IQGAP2: variants seen among roughly 807,000 people sequenced by gnomAD.
IQGAP2 encodes IQ motif containing GTPase activating protein 2, also known as ras GTPase-activating-like protein IQGAP2.
A neutral mutation model predicts 201.3 loss-of-function variants in IQGAP2; 173 were observed. The ratio of observed to expected loss-of-function variants is 0.86; its 90% CI spans 0.76 to 0.98. IQGAP2 has a LOEUF of 0.98. Ranked by LOEUF, IQGAP2 falls within the 50% of genes least tolerant of loss-of-function variation. The probability of loss-of-function intolerance (pLI) is 0.00; values close to 1 mark genes in which losing one functional copy is unlikely to be tolerated. For synonymous variants in IQGAP2, 675 were observed against 673.9 expected, an observed-to-expected ratio of 1.00 and a Z score of -0.03; for missense variants, 1,687 against 1,864.8, an observed-to-expected ratio of 0.90 and a Z score of 1.76.
intron 17 of IQGAP2, among the ~76,000 whole-genome samples, chr5:76,646,433 G>A (rs1165505927): frequency 6.6e-6 from 1 of 152,172 alleles, no homozygotes; most frequent in Admixed American, 6.5e-5. Context: ...ATTGGTAAAA[G>A]TACAAAATCT....
intron 28 of IQGAP2, among the ~76,000 whole-genome samples, chr5:76,678,437 AG>A (rs1432021571): frequency 6.6e-6 from 1 of 151,902 alleles, no homozygotes; most frequent in Non-Finnish European, 1.5e-5. Context: ...AAAAAAAAAA[AG>A]CTAAGCATTG....
intron 35 of IQGAP2, among the ~76,000 whole-genome samples, chr5:76,704,001 C>T (rs60285761): frequency 0.03 from 4,593 of 152,138 alleles, 236 homozygotes; most frequent in African/African-American, 0.1. Flanking sequence ...AAAAGAAAAA[C>T]GGGAGCTGAA....
In IQGAP2 at chr5:76,673,585, C is replaced by A; in HGVS notation, c.3205C>A (p.Leu1069Met). The A allele has an allele frequency of 6.2e-7, 1 of 1,613,858 alleles. No individual in the cohort carries two copies. The highest frequency in any genetic ancestry group is 8.5e-7 in the Non-Finnish European group (1 of 1,179,842). ...TTCTATCATTTCTTCCCTTGATCTA[C>A]TGCCGTAAGTTGTACTTGCAGCAAG... is the stretch of plus-strand genomic sequence containing the variant. ...LNSIISSLDL[L>M]PYGLRYIAKV... Residue 1069 changes from leucine (L) to methionine (M), a missense_variant, in exon 25 of 36, where the codon CTG (leucine) becomes ATG (methionine). Physicochemically the swap from Leu to Met is conservative, Grantham distance 15. Transcript: ENST00000274364.
chr5:76,432,979 A>G (rs1480501643), intron 1 of IQGAP2, among the ~76,000 whole-genome samples: 7 of 152,158 alleles, frequency 4.6e-5, no homozygotes, highest in African/African-American at 1.7e-4. Flanking sequence ...ATATTATTTA[A>G]GTAGTCAGGG....
chr5:76,423,265 G>A (rs901333558), intron 1 of IQGAP2, among the ~76,000 whole-genome samples: 2 of 152,198 alleles, frequency 1.3e-5, no homozygotes, highest in African/African-American at 4.8e-5. Flanking sequence ...CAGGGAAGAA[G>A]CTGTGAGTTA....
At position 76,557,578 on chromosome 5, in the gene IQGAP2, A is replaced by T. The variant is rs78665224; in HGVS notation, c.147-4818A>T. ...ATATCTTAAAATATTTTATGATGTA[A>T]CTGTGATGCTTGGAAAACTTTCTTT... On this transcript the variant is annotated intron_variant, in intron 2 of 35. Coordinates refer to ENST00000274364, the MANE Select transcript of IQGAP2 (RefSeq NM_006633.5). Among the ~76,000 whole-genome samples the T allele has an allele frequency of 1.8e-4, 27 of 152,352 alleles. No individual in the cohort carries two copies. In the East Asian group the frequency reaches 4.2e-3, roughly 24 times the overall value.
chr5:76,460,147 G>A (rs1314085037), intron 1 of IQGAP2, among the ~76,000 whole-genome samples: 2 of 152,118 alleles, frequency 1.3e-5, no homozygotes, highest in Non-Finnish European at 2.9e-5. Flanking sequence ...TTTACAGTGG[G>A]GGGCTTTTCT....
intron 2 of IQGAP2, among the ~76,000 whole-genome samples, chr5:76,562,107 C>T (rs531066365): frequency 2.6e-4 from 40 of 152,314 alleles, no homozygotes; most frequent in African/African-American, 9.4e-4. Context: ...TTGGCCTTTT[C>T]CTTCTTTGGC....
rs56031811 is a variant in IQGAP2, at chr5:76,429,860, G to GACACACAC, written c.46+26296_46+26303dup. ...TCCAGCTGAATGAAAAGGAGACACA[G>GACACACAC]ACACACACACACACACACACACACA... is the stretch of plus-strand genomic sequence containing the variant. On this transcript the variant is annotated intron_variant, in intron 1 of 35. Transcript: ENST00000274364. 8.1e-3 allele frequency among the ~76,000 whole-genome samples: 1,169 copies of GACACACAC among 144,618 alleles called. 19 individuals are homozygous for GACACACAC. Among genetic ancestry groups the GACACACAC allele is most frequent in the African/African-American group, 0.025 (950 of 38,456 alleles). The allele number at this position is 144,618 out of a possible 152,430, so 94.9% of individuals were successfully genotyped here.
intron 2 of IQGAP2, among the ~76,000 whole-genome samples, chr5:76,469,654 T>C (rs539903498): frequency 6.6e-6 from 1 of 152,286 alleles, no homozygotes; most frequent in East Asian, 1.9e-4. Flanking sequence ...TCCGCCTGCA[T>C]TGGCCTCCAA....
intron 13 of IQGAP2, chr5:76,623,335 C>T (rs914898107): frequency 1.4e-6 from 2 of 1,395,508 alleles, no homozygotes; most frequent in Non-Finnish European, 2.0e-6. Context: ...AAGCCTTGGT[C>T]TGTCTGTAGA....
chr5:76,617,649 A>G lies in IQGAP2; in HGVS notation c.1521+6466A>G, dbSNP rs755553172. The stretch of plus-strand genomic sequence containing the variant: ...CATGAGAAAATAAAGGAATGGATCT[A>G]AGCAACTATTAAGACTACCCAGGCA... On this transcript the variant is annotated intron_variant, in intron 13 of 35. Transcript: ENST00000274364. The G allele has an allele frequency of 3.1e-6, 5 of 1,613,998 alleles. No homozygotes were observed. In the African/African-American group the frequency reaches 6.7e-5, roughly 22 times the overall value.
chr5:76,570,727 C>A, intron 4 of IQGAP2, 70 bp downstream of exon 4: 1 of 1,034,144 alleles, frequency 9.7e-7, no homozygotes, highest in Non-Finnish European at 1.5e-6. Flanking sequence ...TCTTTATGAG[C>A]AATGACTTTG....
At chr5:76,705,571 T>C (rs1287174938) in intron 35 of IQGAP2, among the ~76,000 whole-genome samples, 5 of 152,242 alleles carry the variant, frequency 3.3e-5, no homozygotes, top group Non-Finnish European at 7.3e-5. Context: ...GTTTAACAGA[T>C]GTTGCATTTC....
intron 2 of IQGAP2, among the ~76,000 whole-genome samples, chr5:76,533,835 G>A (rs530571492): frequency 1.3e-5 from 2 of 152,206 alleles, no homozygotes; most frequent in Non-Finnish European, 1.5e-5. Flanking sequence ...ACCGCGCCTG[G>A]CTTGCCCTAT....
At chr5:76,458,270 A>G (rs1309117426) in intron 1 of IQGAP2, among the ~76,000 whole-genome samples, 1 of 152,232 alleles carries the variant, frequency 6.6e-6, no homozygotes, top group Non-Finnish European at 1.5e-5. Context: ...TGAGAACCAC[A>G]GAACCACACA....
At chr5:76,521,217 C>T (rs1758661763) in intron 2 of IQGAP2, among the ~76,000 whole-genome samples, 1 of 152,094 alleles carries the variant, frequency 6.6e-6, no homozygotes, top group Non-Finnish European at 1.5e-5. Flanking sequence ...AATTATTTGT[C>T]CAGATCTCCA....
intron 3 of IQGAP2, among the ~76,000 whole-genome samples, chr5:76,569,360 T>C (rs908071663): frequency 1.3e-5 from 2 of 152,188 alleles, no homozygotes; most frequent in Admixed American, 6.5e-5. Context: ...TATTTAATCT[T>C]ATTCACCCAC....
intron 17 of IQGAP2, among the ~76,000 whole-genome samples, chr5:76,643,279 G>C (rs528576511): frequency 6.6e-6 from 1 of 152,158 alleles, no homozygotes; most frequent in African/African-American, 2.4e-5. Context: ...GTTATAGAAT[G>C]TAAATGAATT....
Sources: allele counts gnomAD v4.1 joint callset (sites outside exome capture counted in the v4.1 genomes callset), GRCh38; gene constraint gnomAD v4.1.1; transcripts MANE v1.5; gene names NCBI Gene and HGNC (gene_info 2026-07-23, HGNC 2026-07-21).